Variants in SAMMSON observed in about 807,000 individuals in gnomAD.
SAMMSON encodes survival associated mitochondrial melanoma specific oncogenic non-coding RNA.
At chr3:70,280,334 C>G (rs1702067992) in intron 6 of SAMMSON, among the ~76,000 whole-genome samples, 1 of 152,140 alleles carries the variant, frequency 6.6e-6, no homozygotes, top group African/African-American at 2.4e-5. Context: ...TACGAAGACC[C>G]TTTTTCCTTA....
intron 7 of SAMMSON, among the ~76,000 whole-genome samples, chr3:70,353,174 A>G (rs977123514): frequency 7.2e-5 from 11 of 152,022 alleles, no homozygotes; most frequent in African/African-American, 2.7e-4. Context: ...ATGATTTATA[A>G]AAGGAAAAAT....
intron 6 of SAMMSON, among the ~76,000 whole-genome samples, chr3:70,290,523 G>A (rs1265852904): frequency 6.6e-6 from 1 of 152,230 alleles, no homozygotes; most frequent in East Asian, 1.9e-4. Context: ...GTTTGTCTGT[G>A]CCCTGCCCCC....
intron 7 of SAMMSON, among the ~76,000 whole-genome samples, chr3:70,315,283 C>T (rs963190618): frequency 6.6e-6 from 1 of 152,082 alleles, no homozygotes; most frequent in African/African-American, 2.4e-5. Context: ...CTCTAACTGC[C>T]ATTTGATTTT....
intron 4 of SAMMSON, chr3:70,125,087 T>G: frequency 1.0e-6 from 1 of 974,282 alleles, no homozygotes; most frequent in Non-Finnish European, 1.6e-6. Flanking sequence ...TTTTCCTTCC[T>G]TAGGATCTGG....
At chr3:70,321,544 A>G (rs931947468) in intron 7 of SAMMSON, among the ~76,000 whole-genome samples, 1 of 152,080 alleles carries the variant, frequency 6.6e-6, no homozygotes, top group Admixed American at 6.6e-5. Flanking sequence ...CTTTATGAAC[A>G]TTTGTGTATA....
Position 70,338,367 on chromosome 3 carries a change from A to G in SAMMSON, n.740-15808A>G, listed in dbSNP as rs1028815541. Among the ~76,000 whole-genome samples, 4 of 152,256 alleles carry G rather than the reference A, an allele frequency of 2.6e-5. No individual in the cohort carries two copies. The South Asian group carries it at 8.3e-4, about 32-fold the overall frequency. On this transcript the variant is annotated intron_variant and non_coding_transcript_variant, in intron 7 of 9. Coordinates refer to ENST00000642114, the Ensembl canonical transcript of SAMMSON. ...CCCAGATTCAAGTCCAAGTTTTGGTATGCTCTAGATAGATGATTGTGCAGA... is the reference window on the plus strand; with the variant it reads ...CCCAGATTCAAGTCCAAGTTTTGGTGTGCTCTAGATAGATGATTGTGCAGA...
intron 4 of SAMMSON, among the ~76,000 whole-genome samples, chr3:70,194,081 C>G (rs1701153338): frequency 6.6e-6 from 1 of 152,158 alleles, no homozygotes. Context: ...TCATTGCTTT[C>G]CATATTTTGT....
intron 9 of SAMMSON, among the ~76,000 whole-genome samples, chr3:70,382,066 CG>C (rs1291672911): frequency 1.3e-5 from 2 of 151,974 alleles, no homozygotes; most frequent in Non-Finnish European, 2.9e-5. Flanking sequence ...AATAAAATAG[CG>C]TGGTGTTTAA....
At chr3:70,208,178 T>G (rs1701310063) in intron 4 of SAMMSON, among the ~76,000 whole-genome samples, 1 of 152,068 alleles carries the variant, frequency 6.6e-6, no homozygotes, top group South Asian at 2.1e-4. Flanking sequence ...GCAACAGTCC[T>G]CGTGGTTTGG....
At chr3:70,429,758 GCT>G (rs919190751) in intron 2 of SAMMSON, among the ~76,000 whole-genome samples, 3 of 151,946 alleles carry the variant, frequency 2.0e-5, no homozygotes, top group African/African-American at 7.3e-5. Flanking sequence ...TCATGATTTG[GCT>G]CTCTGTCTAC....
At chr3:70,034,404 A>G (rs1490261508) in intron 3 of SAMMSON, among the ~76,000 whole-genome samples, 1 of 152,118 alleles carries the variant, frequency 6.6e-6, no homozygotes, top group African/African-American at 2.4e-5. Flanking sequence ...GTGATTTTTG[A>G]ACTTGTATGT....
intron 6 of SAMMSON, among the ~76,000 whole-genome samples, chr3:70,274,078 TGTGTGTGTGTGTGC>T (rs1435242465): frequency 1.1e-4 from 17 of 149,102 alleles, no homozygotes; most frequent in East Asian, 2.0e-4. Flanking sequence ...TGTGTGTGTG[TGTGTGTGTGTGTGC>T]GCGCGCGCAT....
intron 4 of SAMMSON, among the ~76,000 whole-genome samples, chr3:70,165,821 A>T (rs952661635): frequency 2.0e-5 from 3 of 151,986 alleles, no homozygotes; most frequent in African/African-American, 7.2e-5. Flanking sequence ...TCCAAAATTC[A>T]ATGCATCATA....
chr3:70,286,019 T>C (rs1413277081), intron 6 of SAMMSON, among the ~76,000 whole-genome samples: 1 of 152,042 alleles, frequency 6.6e-6, no homozygotes, highest in Non-Finnish European at 1.5e-5. Flanking sequence ...GCCTGTTCAC[T>C]CTGATGGTAG....
intron 6 of SAMMSON, among the ~76,000 whole-genome samples, chr3:70,262,885 A>T (rs1000627470): frequency 2.0e-5 from 3 of 152,016 alleles, no homozygotes; most frequent in African/African-American, 7.3e-5. Context: ...ATTTCTCCCA[A>T]TATTTTTGTC....
chr3:70,327,055 G>A (rs774113298), intron 7 of SAMMSON, among the ~76,000 whole-genome samples: 55 of 152,112 alleles, frequency 3.6e-4, no homozygotes, highest in Admixed American at 2.4e-3. Context: ...ATGGGGTTTC[G>A]CCATGTTGAC....
At chr3:70,370,036 T>C (rs1485144885) in intron 9 of SAMMSON, among the ~76,000 whole-genome samples, 1 of 151,856 alleles carries the variant, frequency 6.6e-6, no homozygotes, top group East Asian at 1.9e-4. Context: ...AGATAAACTT[T>C]TCTAGCCCCT....
At chr3:70,029,439 A>G (rs917148787) in intron 3 of SAMMSON, among the ~76,000 whole-genome samples, 1 of 152,276 alleles carries the variant, frequency 6.6e-6, no homozygotes, top group Admixed American at 6.5e-5. Flanking sequence ...GCCAGAAAGT[A>G]GCATTATCTT....
At chr3:70,222,927 A>C (rs1207955629) in intron 4 of SAMMSON, among the ~76,000 whole-genome samples, 1 of 152,204 alleles carries the variant, frequency 6.6e-6, no homozygotes, top group East Asian at 1.9e-4. Flanking sequence ...GTAAGCCCAA[A>C]TGGTATACCT....
Sources: allele counts gnomAD v4.1 joint callset (sites outside exome capture counted in the v4.1 genomes callset), GRCh38; gene constraint gnomAD v4.1.1; transcripts MANE v1.5; gene names NCBI Gene and HGNC (gene_info 2026-07-23, HGNC 2026-07-21).